MAF: variants seen among roughly 807,000 people sequenced by gnomAD.
MAF encodes transcription factor Maf.
A neutral mutation model predicts 22.0 loss-of-function variants in MAF; 10 were observed. The observed-to-expected ratio is 0.45, with a 90% CI of 0.28 to 0.77. MAF has a LOEUF of 0.77. Ranked by LOEUF, MAF falls within the 30% of genes least tolerant of loss-of-function variation. The pLI is 0.12. For missense variants in MAF, 544 were observed against 548.4 expected, an observed-to-expected ratio of 0.99 and a Z score of 0.08; for synonymous variants, 337 against 255.8, an observed-to-expected ratio of 1.32 and a Z score of -3.03.
chr16:79,344,365 G>T, the MAF span, among the ~76,000 whole-genome samples: 6 of 152,188 alleles, frequency 3.9e-5, no homozygotes, highest in African/African-American at 1.4e-4. Flanking sequence ...TCATATCCAA[G>T]TCTGGTGGGT....
the MAF span, among the ~76,000 whole-genome samples, chr16:79,535,293 T>C: frequency 6.6e-6 from 1 of 151,892 alleles, no homozygotes; most frequent in Admixed American, 6.6e-5. Context: ...GGTTTTCTGA[T>C]ACTATCATCT....
At chr16:79,491,894 T>C in the MAF span, among the ~76,000 whole-genome samples, 1 of 152,114 alleles carries the variant, frequency 6.6e-6, no homozygotes. Context: ...CGGCTGTGAG[T>C]GCAGCCCCTC....
chr16:79,407,548 C>A, the MAF span, among the ~76,000 whole-genome samples: 6 of 152,096 alleles, frequency 3.9e-5, no homozygotes, highest in Non-Finnish European at 7.4e-5. Flanking sequence ...TGGGATTTAG[C>A]TGAACTCACG....
At chr16:79,219,987 G>C in the MAF span, among the ~76,000 whole-genome samples, 1 of 152,216 alleles carries the variant, frequency 6.6e-6, no homozygotes, top group East Asian at 1.9e-4. Flanking sequence ...ATGTACTGCT[G>C]TTTTTATTAA....
chr16:79,573,635 T>A, the MAF span, among the ~76,000 whole-genome samples: 1 of 152,218 alleles, frequency 6.6e-6, no homozygotes, highest in African/African-American at 2.4e-5. Flanking sequence ...TAATACACAA[T>A]AGATATTTGT....
chr16:79,397,126 G>A, the MAF span, among the ~76,000 whole-genome samples: 3 of 152,234 alleles, frequency 2.0e-5, no homozygotes, highest in Non-Finnish European at 4.4e-5. Context: ...GACATTTACT[G>A]AATGTCTGGG....
chr16:79,513,007 G>A, the MAF span, among the ~76,000 whole-genome samples: 3 of 152,372 alleles, frequency 2.0e-5, no homozygotes, highest in South Asian at 6.2e-4. Flanking sequence ...CACAGAGCTA[G>A]GTCTGCCCAG....
the MAF span, among the ~76,000 whole-genome samples, chr16:79,372,639 T>G: frequency 6.6e-6 from 1 of 152,152 alleles, no homozygotes; most frequent in African/African-American, 2.4e-5. Flanking sequence ...GTCTGGCGGG[T>G]GAGCCCCCAG....
chr16:79,321,337 A>C, the MAF span, among the ~76,000 whole-genome samples: 10 of 152,240 alleles, frequency 6.6e-5, no homozygotes, highest in African/African-American at 2.2e-4. Flanking sequence ...CCGCAAATAC[A>C]AGATGCCCAG....
At chr16:79,372,066 ATTT>A in the MAF span, among the ~76,000 whole-genome samples, 35 of 132,398 alleles carry the variant, frequency 2.6e-4, no homozygotes, top group Admixed American at 2.3e-4. Context: ...AGGGAGAGGA[ATTT>A]TTTTTTTTTT....
At chr16:79,277,640 A>G in the MAF span, among the ~76,000 whole-genome samples, 2 of 152,192 alleles carry the variant, frequency 1.3e-5, no homozygotes, top group Admixed American at 1.3e-4. Flanking sequence ...GAAGTAGTGG[A>G]TGGCTTTAGG....
At chr16:79,391,437 T>C in the MAF span, among the ~76,000 whole-genome samples, 1 of 152,162 alleles carries the variant, frequency 6.6e-6, no homozygotes, top group Non-Finnish European at 1.5e-5. Context: ...CCACGAGAAG[T>C]GCCTGCTTGC....
the MAF span, among the ~76,000 whole-genome samples, chr16:79,502,712 T>TAAATATATATAC: frequency 2.6e-4 from 8 of 31,114 alleles, no homozygotes; most frequent in Non-Finnish European, 5.2e-4. Context: ...AATATAAATA[T>TAAATATATATAC]ATATATATAT....
chr16:79,405,902 A>C, the MAF span, among the ~76,000 whole-genome samples: 1 of 152,272 alleles, frequency 6.6e-6, no homozygotes, highest in East Asian at 1.9e-4. Flanking sequence ...ATTTCAATGC[A>C]CACCATTCAC....
chr16:79,511,220 C>G, the MAF span, among the ~76,000 whole-genome samples: 2 of 151,828 alleles, frequency 1.3e-5, no homozygotes, highest in African/African-American at 4.8e-5. Flanking sequence ...TAATGTCATG[C>G]CAACCCCGAA....
chr16:79,523,450 A>G, the MAF span, among the ~76,000 whole-genome samples: 2 of 152,356 alleles, frequency 1.3e-5, no homozygotes, highest in African/African-American at 4.8e-5. Flanking sequence ...TTCTATTTTC[A>G]TAACAATCTA....
chr16:79,346,824 C>T, the MAF span, among the ~76,000 whole-genome samples: 1 of 152,132 alleles, frequency 6.6e-6, no homozygotes, highest in Non-Finnish European at 1.5e-5. Context: ...ACCCAAATAC[C>T]GTCCTTTTGC....
chr16:79,276,434 A>T, the MAF span, among the ~76,000 whole-genome samples: 1 of 152,202 alleles, frequency 6.6e-6, no homozygotes, highest in Non-Finnish European at 1.5e-5. Context: ...CTGTCTCTTG[A>T]AACATTTCCT....
chr16:79,386,078 G>A, the MAF span, among the ~76,000 whole-genome samples: 3 of 152,188 alleles, frequency 2.0e-5, no homozygotes, highest in African/African-American at 2.4e-5. Flanking sequence ...ATAAATAGGT[G>A]TATAATCAGC....
Sources: gnomAD v4.1 joint callset for allele counts (sites outside exome capture counted in the v4.1 genomes callset) on GRCh38, gnomAD v4.1.1 for gene constraint, MANE v1.5 for transcripts, NCBI Gene and HGNC (gene_info 2026-07-23, HGNC 2026-07-21) for gene names.